Variants in RRAS2 observed in about 807,000 individuals in gnomAD.
RRAS2 encodes RAS related 2.
RRAS2 carries 7 observed loss-of-function variants against 27.6 expected under a neutral mutation model. The observed-to-expected ratio is 0.25, with a 90% CI of 0.14 to 0.48. The LOEUF is 0.48. Among genes scored for constraint, RRAS2 ranks in the 20% least tolerant of loss-of-function variants. RRAS2 has a pLI of 0.99. For missense variants in RRAS2, 178 were observed against 256.2 expected, an observed-to-expected ratio of 0.69 and a Z score of 2.08; for synonymous variants, 86 against 90.9, an observed-to-expected ratio of 0.95 and a Z score of 0.31.
rs374067899 is a variant in RRAS2 at position 14,300,956 on chromosome 11, A to G, written c.109-5101T>C. Reference sequence around the variant, plus strand: ...TGGTAATTTACTGGAAATTCTAGGAAACTCAGTGAATCCAGCACACTGGTT... The same window carrying G: ...TGGTAATTTACTGGAAATTCTAGGAGACTCAGTGAATCCAGCACACTGGTT... On this transcript the variant is annotated intron_variant, in intron 1 of 5. Transcript: ENST00000256196. Among the ~76,000 whole-genome samples the G allele has an allele frequency of 3.5e-4, 54 of 152,298 alleles. 1 individual carries two copies. Among genetic ancestry groups the G allele is most frequent in the African/African-American group, 1.3e-3 (52 of 41,576 alleles).
chr11:14,306,123 A>G (rs1554948058), intron 1 of RRAS2, among the ~76,000 whole-genome samples: 1 of 150,252 alleles, frequency 6.7e-6, no homozygotes, highest in Non-Finnish European at 1.5e-5. Flanking sequence ...ATAGTCTCTC[A>G]CTGCAGTTTT....
Position 14,324,186 on chromosome 11 carries a change from T to G in RRAS2, c.109-28331A>C, listed in dbSNP as rs542961753. ...CACAGGAAACAATATACATAATAATTATTGGAATTAGAATTCAGCAAGGTA... is the reference window on the plus strand; with the variant it reads ...CACAGGAAACAATATACATAATAATGATTGGAATTAGAATTCAGCAAGGTA... On this transcript the variant is annotated intron_variant, in intron 1 of 5. Coordinates refer to ENST00000256196, the MANE Select transcript of RRAS2 (RefSeq NM_012250.6). Among the ~76,000 whole-genome samples, 521 of 152,020 alleles carry G rather than the reference T, an allele frequency of 3.4e-3. 2 individuals carry two copies. Among genetic ancestry groups the G allele is most frequent in the African/African-American group, 0.011 (477 of 41,506 alleles).
intron 1 of RRAS2, among the ~76,000 whole-genome samples, chr11:14,324,043 A>T (rs1554950670): frequency 6.6e-6 from 1 of 151,872 alleles, no homozygotes; most frequent in Non-Finnish European, 1.5e-5. Context: ...ATCAAGAACA[A>T]GTATGTATGT....
chr11:14,317,805 C>G (rs1311784246), intron 1 of RRAS2, among the ~76,000 whole-genome samples: 2 of 152,122 alleles, frequency 1.3e-5, no homozygotes, highest in East Asian at 3.8e-4. Context: ...GTGGCTCATA[C>G]CTGTAATCTC....
At chr11:14,289,825 G>A (rs1408670938) in intron 4 of RRAS2, among the ~76,000 whole-genome samples, 1 of 152,156 alleles carries the variant, frequency 6.6e-6, no homozygotes, top group Non-Finnish European at 1.5e-5. Context: ...AATCTCAGGA[G>A]CCAGTGGTAG....
At chr11:14,322,617 CAAGT>C (rs570952768) in intron 1 of RRAS2, among the ~76,000 whole-genome samples, 4 of 152,140 alleles carry the variant, frequency 2.6e-5, no homozygotes, top group Non-Finnish European at 5.9e-5. Context: ...AATCATCCAA[CAAGT>C]AATTCCTCTG....
At chr11:14,288,624 A>AT (rs1429937926) in intron 4 of RRAS2, among the ~76,000 whole-genome samples, 1 of 152,238 alleles carries the variant, frequency 6.6e-6, no homozygotes, top group African/African-American at 2.4e-5. Flanking sequence ...GATTTGGTAG[A>AT]TTTTAGCACT....
At chr11:14,294,611 CA>C in intron 3 of RRAS2, 32 bp from the exon 4 acceptor site, 2 of 1,518,078 alleles carry the variant, frequency 1.3e-6, no homozygotes, top group Non-Finnish European at 1.8e-6. Flanking sequence ...ACAAATTAAT[CA>C]ATTTGGTCAA....
At chr11:14,279,707 ACT>A (rs1350754894) in intron 5 of RRAS2, among the ~76,000 whole-genome samples, 1 of 152,134 alleles carries the variant, frequency 6.6e-6, no homozygotes, top group African/African-American at 2.4e-5. Flanking sequence ...AAATTCCATG[ACT>A]CTAAGGTATC....
At chr11:14,334,362 C>T (rs1445213034) in intron 1 of RRAS2, among the ~76,000 whole-genome samples, 3 of 152,018 alleles carry the variant, frequency 2.0e-5, no homozygotes, top group Non-Finnish European at 4.4e-5. Context: ...GCTCACCTTG[C>T]TGTCATTTTA....
intron 4 of RRAS2, among the ~76,000 whole-genome samples, chr11:14,282,966 A>T (rs1849580510): frequency 6.6e-6 from 1 of 152,228 alleles, no homozygotes; most frequent in South Asian, 2.1e-4. Context: ...ACAATGACAT[A>T]AGTGGTGACG....
chr11:14,303,670 T>C (rs1258571877), intron 1 of RRAS2, among the ~76,000 whole-genome samples: 1 of 152,130 alleles, frequency 6.6e-6, no homozygotes, highest in African/African-American at 2.4e-5. Context: ...TCATCTAAAT[T>C]AAAGCTTCTC....
At chr11:14,364,281 AG>A (rs1849226047) in intron 1 of RRAS2, 7 of 997,802 alleles carry the variant, frequency 7.0e-6, no homozygotes, top group Non-Finnish European at 9.1e-6. Flanking sequence ...GTGGAGAGGG[AG>A]ATGCTAGAAT....
intron 1 of RRAS2, among the ~76,000 whole-genome samples, chr11:14,351,878 G>C (rs1848960540): frequency 7.4e-6 from 1 of 135,534 alleles, no homozygotes; most frequent in Admixed American, 8.3e-5. Flanking sequence ...CTGGGTGACA[G>C]AGTGAGACTC....
chr11:14,336,872 C>T (rs1316283072), intron 1 of RRAS2: 1 of 152,144 alleles, frequency 6.6e-6, no homozygotes, highest in Non-Finnish European at 1.5e-5. Context: ...TAAACCTACA[C>T]ATTCAAGAAG....
rs188251077 is a variant in RRAS2, at chr11:14,306,271, A to G, written c.109-10416T>C. ...TCTTATCATTGAATGTAAGAGTACTATATTCTGGATATAAATCCCTTATCA... is the reference window on the plus strand; with the variant it reads ...TCTTATCATTGAATGTAAGAGTACTGTATTCTGGATATAAATCCCTTATCA... On this transcript the variant is annotated intron_variant, in intron 1 of 5. Transcript: ENST00000256196. Among the ~76,000 whole-genome samples the G allele has an allele frequency of 4.6e-5, 7 of 152,020 alleles. No homozygotes were observed. In the East Asian group the frequency reaches 1.4e-3, roughly 29 times the overall value.
chr11:14,292,682 T>C (rs1408313646), intron 4 of RRAS2, among the ~76,000 whole-genome samples: 3 of 152,228 alleles, frequency 2.0e-5, no homozygotes, highest in Admixed American at 1.3e-4. Context: ...ACAGTTTATA[T>C]TGATTTGAAA....
At chr11:14,311,845 G>A (rs1847976555) in intron 1 of RRAS2, among the ~76,000 whole-genome samples, 1 of 151,916 alleles carries the variant, frequency 6.6e-6, no homozygotes, top group African/African-American at 2.4e-5. Flanking sequence ...ATATGTCATG[G>A]TAGCTTTGTT....
rs2133939369 is a variant in RRAS2, at chr11:14,279,276, G to C, written c.*61C>G. The C allele has an allele frequency of 8.6e-7, 1 of 1,161,598 alleles. No homozygotes were observed. Among genetic ancestry groups the C allele is most frequent in the African/African-American group, 1.5e-5 (1 of 66,334 alleles). 72.0% of individuals were successfully genotyped at this position (1,161,598 alleles called of 1,614,324 possible). Reference sequence around the variant, plus strand: ...GAAAGGTACCAACAAGATGTAAACTGAGGAGAGAAAGAGAAGATGAGGGCT... The same window carrying C: ...GAAAGGTACCAACAAGATGTAAACTCAGGAGAGAAAGAGAAGATGAGGGCT... On this transcript the variant is annotated 3_prime_UTR_variant, in exon 6 of 6. Coordinates refer to ENST00000256196, the MANE Select transcript of RRAS2 (RefSeq NM_012250.6).
Sources: gnomAD v4.1 joint callset for allele counts (sites outside exome capture counted in the v4.1 genomes callset) on GRCh38, gnomAD v4.1.1 for gene constraint, MANE v1.5 for transcripts, NCBI Gene and HGNC (gene_info 2026-07-23, HGNC 2026-07-21) for gene names.